The following VPS37C variants were observed in gnomAD, a reference collection of about 807,000 sequenced individuals.
The protein encoded by VPS37C is VPS37C subunit of ESCRT-I, also known as vacuolar protein sorting-associated protein 37C.
A neutral mutation model predicts 16.1 loss-of-function variants in VPS37C; 9 were observed. The observed-to-expected ratio is 0.56, with a 90% CI of 0.34 to 0.97. VPS37C has a LOEUF of 0.97. Ranked by LOEUF, VPS37C falls within the 50% of genes least tolerant of loss-of-function variation. The pLI, the probability that VPS37C is intolerant of heterozygous loss-of-function variation, is 0.02. For missense variants in VPS37C, 479 were observed against 472.7 expected, an observed-to-expected ratio of 1.01 and a Z score of -0.12; for synonymous variants, 207 against 206.4, an observed-to-expected ratio of 1.00 and a Z score of -0.02.
At chr11:61,153,282 C>T (rs1222530215) in intron 1 of VPS37C, among the ~76,000 whole-genome samples, 2 of 152,210 alleles carry the variant, frequency 1.3e-5, no homozygotes, top group African/African-American at 2.4e-5. Context: ...AAGTGTTTGA[C>T]AGTTTATCCT....
At position 61,132,438 on chromosome 11, in the gene VPS37C, C is replaced by T. The variant is rs752255481; in HGVS notation, c.450G>A (p.Val150=). The T allele has an allele frequency of 1.9e-6, 3 of 1,612,416 alleles. No homozygotes were observed. Among genetic ancestry groups the T allele is most frequent in the Non-Finnish European group, 1.7e-6 (2 of 1,179,348 alleles). ...RMLSHLRRVR[V]EKLQEVVRKP... ...TCCTCACCACTTCCTGGAGCTTTTC[C>T]ACGCGAACCCGGCGCAGGTGGGACA... Residue 150 remains valine (V), a synonymous_variant, in exon 5 of 5, where the codon GTG becomes GTA. Coordinates refer to ENST00000301765, the MANE Select transcript of VPS37C (RefSeq NM_017966.5).
chr11:61,160,844 A>C (rs1218320500), intron 1 of VPS37C, among the ~76,000 whole-genome samples: 2 of 152,174 alleles, frequency 1.3e-5, no homozygotes, highest in Non-Finnish European at 2.9e-5. Context: ...TGATGCTGGG[A>C]GGTCCAAGTC....
intron 3 of VPS37C, among the ~76,000 whole-genome samples, 176 bp downstream of exon 3, chr11:61,133,860 T>A (rs912158050): frequency 1.3e-5 from 2 of 152,232 alleles, no homozygotes; most frequent in Non-Finnish European, 2.9e-5. Flanking sequence ...AGTCAAGTTA[T>A]TGAATCTCTC....
chr11:61,146,116 G>C (rs1342032947), intron 1 of VPS37C, among the ~76,000 whole-genome samples: 1 of 151,532 alleles, frequency 6.6e-6, no homozygotes, highest in African/African-American at 2.5e-5. Flanking sequence ...ACAGGAAGGA[G>C]AGAACAAGTC....
At chr11:61,135,938 C>T (rs977907788) in intron 2 of VPS37C, among the ~76,000 whole-genome samples, 4 of 152,346 alleles carry the variant, frequency 2.6e-5, no homozygotes, top group Admixed American at 2.6e-4. Flanking sequence ...CCTGTCTCCA[C>T]AGCCTTCTTA....
chr11:61,138,944 T>C (rs2134635063), intron 1 of VPS37C, 109 bp from the exon 2 acceptor site: 1 of 999,026 alleles, frequency 1.0e-6, no homozygotes, highest in South Asian at 1.3e-5. Flanking sequence ...CCTGCGATAA[T>C]ACCACTCCAC....
intron 1 of VPS37C, among the ~76,000 whole-genome samples, chr11:61,160,861 C>T (rs922959544): frequency 6.6e-6 from 1 of 152,182 alleles, no homozygotes; most frequent in Admixed American, 6.5e-5. Flanking sequence ...AGTCTGAGTC[C>T]TGAACAAAGC....
In VPS37C at chr11:61,151,425, C is replaced by A. The variant is rs17155720; in HGVS notation, c.-7+9966G>T. ...GAAACTCAGCTCTGCAGGGGAGACC[C>A]AGGGATTAAAGGCTCTGAATCTGTA... On this transcript the variant is annotated intron_variant, in intron 1 of 4. Coordinates refer to ENST00000301765, the MANE Select transcript of VPS37C (RefSeq NM_017966.5). Among the ~76,000 whole-genome samples, 507 of 152,318 alleles carry A rather than the reference C, an allele frequency of 3.3e-3. 4 individuals are homozygous for A. In the East Asian group the frequency reaches 0.042, roughly 13 times the overall value.
At chr11:61,136,161 ATT>A (rs34085615) in intron 2 of VPS37C, among the ~76,000 whole-genome samples, 4,684 of 109,362 alleles carry the variant, frequency 0.043, 144 homozygotes, top group African/African-American at 0.11. Context: ...TTAATTACAC[ATT>A]TTTTTTTTTT....
chr11:61,158,794 T>C (rs1853419369), intron 1 of VPS37C, among the ~76,000 whole-genome samples: 1 of 152,236 alleles, frequency 6.6e-6, no homozygotes, highest in Admixed American at 6.5e-5. Flanking sequence ...TGATATTTGC[T>C]TAAGTCTTTC....
At chr11:61,153,384 AGT>A (rs1275367902) in intron 1 of VPS37C, among the ~76,000 whole-genome samples, 1 of 152,212 alleles carries the variant, frequency 6.6e-6, no homozygotes, top group Non-Finnish European at 1.5e-5. Flanking sequence ...AACATGCAGA[AGT>A]GTGAGTCAAT....
intron 1 of VPS37C, chr11:61,145,075 C>T (rs1207873758): frequency 6.6e-6 from 1 of 152,214 alleles, no homozygotes; most frequent in Non-Finnish European, 1.5e-5. Flanking sequence ...TACTATCACA[C>T]TGGTCTTTAA....
chr11:61,145,404 G>C (rs1044280910), intron 1 of VPS37C: 2 of 152,330 alleles, frequency 1.3e-5, no homozygotes, highest in Non-Finnish European at 2.9e-5. Context: ...CCTGCCTCCG[G>C]GTTGGGGACG....
intron 1 of VPS37C, among the ~76,000 whole-genome samples, chr11:61,160,605 A>G (rs1319558625): frequency 6.6e-6 from 1 of 152,200 alleles, no homozygotes; most frequent in Non-Finnish European, 1.5e-5. Context: ...AGCCCAGACA[A>G]GGTGTAGCTG....
chr11:61,150,307 T>C (rs1334924238), intron 1 of VPS37C, among the ~76,000 whole-genome samples: 2 of 152,092 alleles, frequency 1.3e-5, no homozygotes, highest in Non-Finnish European at 2.9e-5. Flanking sequence ...TGCAAACTAG[T>C]CTTCCCATCT....
rs113665365 is a variant in VPS37C, at chr11:61,139,403, GC to G, written c.-6-569del. On this transcript the variant is annotated intron_variant, in intron 1 of 4. Coordinates refer to ENST00000301765, the MANE Select transcript of VPS37C (RefSeq NM_017966.5). ...CCCTTAACTGCAGCCCTCTCCATGT[GC>G]CACCAAAATGGACTGTCATATGCGC... Among the ~76,000 whole-genome samples, 769 of 151,750 alleles carry G rather than the reference GC, an allele frequency of 5.1e-3. 5 individuals carry two copies. Among genetic ancestry groups the G allele is most frequent in the African/African-American group, 0.018 (736 of 41,300 alleles).
In VPS37C at chr11:61,132,553, G is replaced by C. The variant is rs760295868; in HGVS notation, c.349-14C>G. On this transcript the variant is annotated splice_polypyrimidine_tract_variant and intron_variant, in intron 4 of 4. Transcript: ENST00000301765. ...CTCAGCCATGGCCTGGAAGACATAA[G>C]GTCCAGTGACAACAGGGGCAGCTGG... 1.7e-5 allele frequency: 27 copies of C among 1,567,048 alleles called. No individual in the cohort carries two copies. In the South Asian group the frequency reaches 3.2e-4, roughly 19 times the overall value.
At chr11:61,156,906 C>T (rs181059980) in intron 1 of VPS37C, among the ~76,000 whole-genome samples, 67 of 152,310 alleles carry the variant, frequency 4.4e-4, no homozygotes, top group Non-Finnish European at 7.4e-4. Context: ...CCTTTTCTCC[C>T]GTCTTCTGGC....
At chr11:61,145,984 A>T (rs1188781652) in intron 1 of VPS37C, among the ~76,000 whole-genome samples, 2 of 152,216 alleles carry the variant, frequency 1.3e-5, no homozygotes, top group East Asian at 1.9e-4. Flanking sequence ...GGAGTTGTTG[A>T]GGGTGAGAAT....
Sources: allele counts gnomAD v4.1 joint callset (sites outside exome capture counted in the v4.1 genomes callset), GRCh38; gene constraint gnomAD v4.1.1; transcripts MANE v1.5; gene names NCBI Gene and HGNC (gene_info 2026-07-23, HGNC 2026-07-21).